CRYAB: variants seen among roughly 807,000 people sequenced by gnomAD.
The protein encoded by CRYAB is crystallin alpha B, also known as alpha-crystallin B chain.
In CRYAB, 9 loss-of-function variants were observed where a neutral mutation model predicts 12.7. The observed-to-expected ratio is 0.71, with a 90% confidence interval of 0.43 to 1.24. The LOEUF (loss-of-function observed/expected upper bound fraction) is 1.24, where lower values mean the gene tolerates loss of function less well. Among genes scored for constraint, CRYAB ranks in the 50% most tolerant of loss-of-function variants. CRYAB has a pLI of 0.00. For missense variants in CRYAB, 183 were observed against 226.6 expected, an observed-to-expected ratio of 0.81 and a Z score of 1.24; for synonymous variants, 93 against 86.8, an observed-to-expected ratio of 1.07 and a Z score of -0.40.
rs1965417253 is a variant in CRYAB at position 111,910,429 on chromosome 11, C to T, written c.222G>A (p.Arg74=). ...GLSEMRLEKD[R]FSVNLDVKHF... is the part of the protein sequence containing the mutation. ...GCTTCACATCCAGGTTGACAGAGAACCTGTCCTTCTCCAGGCGCATCTAGA... is the reference window on the plus strand; with the variant it reads ...GCTTCACATCCAGGTTGACAGAGAATCTGTCCTTCTCCAGGCGCATCTAGA... Residue 74 remains arginine, a synonymous_variant, in exon 2 of 3, where the codon AGG becomes AGA. Transcript: ENST00000650687. The T allele has an allele frequency of 6.2e-7, 1 of 1,614,168 alleles. No individual in the cohort carries two copies. Among genetic ancestry groups the T allele is most frequent in the Non-Finnish European group, 8.5e-7 (1 of 1,180,026 alleles).
upstream of CRYAB, chr11:111,911,833 C>T: frequency 2.6e-6 from 2 of 764,374 alleles, no homozygotes; most frequent in Non-Finnish European, 4.4e-6. Flanking sequence ...ATGGTGATGT[C>T]AGGGGTTTTA....
At position 111,911,599 on chromosome 11, in the gene CRYAB, A is replaced by C. The variant is rs781882384; in HGVS notation, c.126T>G (p.Thr42=). The change falls in exon 1 of 3, where the codon ACT becomes ACG. Residue 42 remains threonine, a synonymous_variant. Transcript: ENST00000650687. ...GCCGAAGGTAGAAGGGACTCAGGGA[A>C]GTAGACGTCGGGAAAAGATCAGACT... ...LLESDLFPTS[T]SLSPFYLRPP... The C allele has an allele frequency of 6.8e-6, 11 of 1,613,278 alleles. No individual in the cohort carries two copies. The highest frequency in any genetic ancestry group is 6.8e-6 in the Non-Finnish European group (8 of 1,179,806).
At chr11:111,913,113 A>C, upstream of CRYAB, 1 of 604,850 alleles carries the variant, frequency 1.7e-6, no homozygotes, top group Non-Finnish European at 3.0e-6. Context: ...ACCTCAAGAC[A>C]CACTTGGTGC....
chr11:111,922,254 C>T (rs1004407909), intron 1 of CRYAB, among the ~76,000 whole-genome samples: 6 of 152,226 alleles, frequency 3.9e-5, no homozygotes, highest in African/African-American at 1.4e-4. Context: ...AGACACTATA[C>T]CAAATAGTCT....
chr11:111,913,249 TC>T (rs1965529422), upstream of CRYAB: 7 of 625,730 alleles, frequency 1.1e-5, no homozygotes, highest in South Asian at 9.4e-5. Context: ...CTCCTCCCTT[TC>T]CTTTCCGTTC....
At chr11:111,918,930 T>C (rs782641978) in intron 1 of CRYAB, 13 of 1,612,036 alleles carry the variant, frequency 8.1e-6, no homozygotes, top group African/African-American at 1.3e-5. Context: ...CACAAGCCTC[T>C]TGATGCATAA....
intron 2 of CRYAB, 41 bp from the exon 3 acceptor site, chr11:111,909,008 C>A: frequency 6.2e-7 from 1 of 1,605,432 alleles, no homozygotes; most frequent in Non-Finnish European, 8.5e-7. Flanking sequence ...GAGATAAGAA[C>A]AGGAACTATT....
intron 1 of CRYAB, among the ~76,000 whole-genome samples, chr11:111,919,961 C>T (rs374455316): frequency 1.3e-5 from 2 of 151,010 alleles, no homozygotes; most frequent in East Asian, 4.0e-4. Flanking sequence ...TTTGGGAGGC[C>T]GAGGCGGGTG....
In CRYAB at chr11:111,919,411, T is replaced by G. The variant is rs587688047; in HGVS notation, c.-199+4292A>C. 3.9e-5 allele frequency among the ~76,000 whole-genome samples: 6 copies of G among 152,130 alleles called. No homozygotes were observed. The South Asian group carries it at 1.2e-3, about 32-fold the overall frequency. ...TCGCTTGAATCCGGAAGGCGGAGGT[T>G]GCAGTGAGCCGAGATCGCGCCACTG... On this transcript the variant is annotated intron_variant, in intron 1 of 3. Coordinates refer to the CRYAB transcript ENST00000527950.
chr11:111,918,661 GC>G (rs1485173958), intron 1 of CRYAB: 2 of 680,868 alleles, frequency 2.9e-6, no homozygotes, highest in South Asian at 1.5e-5. Context: ...GAAACCAAGA[GC>G]CCTTTTCTAT....
At position 111,908,984 on chromosome 11, in the gene CRYAB, A is replaced by G. The variant is rs1555165269; in HGVS notation, c.325-17T>C. 1 of 1,613,580 alleles carries G rather than the reference A, an allele frequency of 6.2e-7. No individual in the cohort carries two copies. The highest frequency in any genetic ancestry group is 8.5e-7 in the Non-Finnish European group (1 of 1,179,640). ...ATGTTCATCCTAACCCAAAAGAATG[A>G]GGAAAGAGGCAGAGAGATAAGAACA... is the stretch of plus-strand genomic sequence containing the variant. On this transcript the variant is annotated splice_polypyrimidine_tract_variant and intron_variant, in intron 2 of 2. Transcript: ENST00000650687.
chr11:111,914,321 G>C (rs1210098061), upstream of CRYAB, among the ~76,000 whole-genome samples: 1 of 152,212 alleles, frequency 6.6e-6, no homozygotes, highest in Admixed American at 6.5e-5. Context: ...GTGATCCTGG[G>C]AGGGAAAAGG....
At chr11:111,920,715 G>GATC (rs1216841203) in intron 1 of CRYAB, among the ~76,000 whole-genome samples, 4 of 152,128 alleles carry the variant, frequency 2.6e-5, no homozygotes, top group African/African-American at 9.7e-5. Context: ...AGTGAACCAT[G>GATC]ATCACACCAC....
In CRYAB at chr11:111,910,583, C is replaced by T. The variant is rs1414451752; in HGVS notation, c.202-134G>A. ...CTTCTCTTCTCTGCTTAAAAAATCT[C>T]CTTTTTAAATAAACATAGCTGTCTG... is the stretch of plus-strand genomic sequence containing the variant. On this transcript the variant is annotated intron_variant, in intron 1 of 2. Transcript: ENST00000650687. 7 of 1,172,920 alleles carry T rather than the reference C, an allele frequency of 6.0e-6. No individual in the cohort carries two copies. In the African/African-American group the frequency reaches 1.1e-4, roughly 18 times the overall value. The allele number at this position is 1,172,920 out of a possible 1,614,324, so 72.7% of individuals were successfully genotyped here.
chr11:111,909,101 C>T, intron 2 of CRYAB, 134 bp from the exon 3 acceptor site: 1 of 890,678 alleles, frequency 1.1e-6, no homozygotes, highest in South Asian at 1.4e-5. Flanking sequence ...ATAAATAGAG[C>T]TTCGTTTCAG....
At chr11:111,916,063 A>G (rs1555166097), upstream of CRYAB, among the ~76,000 whole-genome samples, 1 of 151,940 alleles carries the variant, frequency 6.6e-6, no homozygotes, top group African/African-American at 2.4e-5. Flanking sequence ...TTTTGGTCTT[A>G]ACTGACTTAA....
intron 1 of CRYAB, chr11:111,919,123 C>A: frequency 9.2e-7 from 1 of 1,087,488 alleles, no homozygotes; most frequent in Non-Finnish European, 1.4e-6. Context: ...CCTTCCTCTG[C>A]CTGGTACCTC....
At position 111,908,948 on chromosome 11, in the gene CRYAB, GA is replaced by G. The variant is rs281865142; in HGVS notation, c.343del (p.Ser115ProfsTer14). 16 of 1,613,966 alleles carry G rather than the reference GA, an allele frequency of 9.9e-6. No homozygotes were observed. Among genetic ancestry groups the G allele is most frequent in the African/African-American group, 4.0e-5 (3 of 74,880 alleles). On this transcript the variant is annotated frameshift_variant, in exon 3 of 3. Transcript: ENST00000650687. LOFTEE classifies it high-confidence loss of function. ...EERQDEHGFI[S>X]REFHRKYRIP... ...CCGGTATTTCCTGTGGAACTCCCTG[GA>G]GATGAAACCATGTTCATCCTAACCC...
chr11:111,908,796 T>A lies in CRYAB; in HGVS notation c.496A>T (p.Lys166Ter). ...ERTIPITREE[K>*]PAVTAAPKK ...TTGGGGGCTGCGGTGACAGCAGGCT[T>A]CTCTTCACGGGTGATGGGAATGGTG... is the stretch of plus-strand genomic sequence containing the variant. The change falls in exon 3 of 3, where the codon AAG (lysine) becomes TAG (stop). Residue 166 changes from lysine to a stop codon, truncating the protein, a stop_gained. Coordinates refer to ENST00000650687, the MANE Select transcript of CRYAB (RefSeq NM_001289808.2). LOFTEE classifies it high-confidence loss of function. 2.5e-6 allele frequency: 4 copies of A among 1,613,226 alleles called. No homozygotes were observed. The highest frequency in any genetic ancestry group is 3.8e-4 in the Middle Eastern group (2 of 5,258).
Sources: allele counts gnomAD v4.1 joint callset (sites outside exome capture counted in the v4.1 genomes callset), GRCh38; gene constraint gnomAD v4.1.1; transcripts MANE v1.5; gene names NCBI Gene and HGNC (gene_info 2026-07-23, HGNC 2026-07-21).